Variants in CREB5 observed in about 807,000 individuals in gnomAD.
CREB5 encodes cyclic AMP-responsive element-binding protein 5.
A neutral mutation model predicts 57.1 loss-of-function variants in CREB5; 19 were observed. The ratio of observed to expected loss-of-function variants is 0.33; its 90% CI spans 0.23 to 0.49. CREB5 has a LOEUF of 0.49. Among genes scored for constraint, CREB5 ranks in the 20% least tolerant of loss-of-function variants. The pLI is 0.99. For synonymous variants in CREB5, 238 were observed against 238.3 expected (o/e 1.00, Z 0.01); for missense variants, 579 against 671.6 (o/e 0.86, Z 1.52).
chr7:28,650,479 T>C (rs927701014), intron 5 of CREB5, among the ~76,000 whole-genome samples: 2 of 152,158 alleles, frequency 1.3e-5, no homozygotes, highest in African/African-American at 4.8e-5. Flanking sequence ...TGATTACTTC[T>C]GCCAGGACAC....
intron 5 of CREB5, among the ~76,000 whole-genome samples, chr7:28,627,047 C>T (rs1798021568): frequency 6.6e-6 from 1 of 152,204 alleles, no homozygotes; most frequent in South Asian, 2.1e-4. Flanking sequence ...TTCTAATTTC[C>T]TAAAATTTCT....
rs117664243 is a variant in CREB5, at chr7:28,624,944, C to G, written c.464+54407C>G. ...ACTCTGGGCCAGTTATATAATATCT[C>G]TGAGCCTCAGTTTCCCATCAGCAAA... is the stretch of plus-strand genomic sequence containing the variant. On this transcript the variant is annotated intron_variant, in intron 5 of 10. Coordinates refer to ENST00000357727, the MANE Select transcript of CREB5 (RefSeq NM_182898.4). Among the ~76,000 whole-genome samples, 180 of 151,602 alleles carry G rather than the reference C, an allele frequency of 1.2e-3. 2 individuals are homozygous for G. The highest frequency in any genetic ancestry group is 4.3e-3 in the East Asian group (22 of 5,160).
intron 7 of CREB5, among the ~76,000 whole-genome samples, chr7:28,754,851 T>A (rs914575900): frequency 6.6e-6 from 1 of 152,170 alleles, no homozygotes; most frequent in Admixed American, 6.5e-5. Flanking sequence ...TTCCAAGATA[T>A]GGGTACTACG....
intron 7 of CREB5, among the ~76,000 whole-genome samples, chr7:28,763,233 T>G (rs1260050081): frequency 6.6e-6 from 1 of 152,212 alleles, no homozygotes; most frequent in Non-Finnish European, 1.5e-5. Context: ...GAAAAGCACT[T>G]AGATGTGCCT....
At chr7:28,643,067 C>T (rs1261861451) in intron 5 of CREB5, among the ~76,000 whole-genome samples, 2 of 147,066 alleles carry the variant, frequency 1.4e-5, no homozygotes, top group Admixed American at 1.4e-4. Context: ...TTCTAAAGAC[C>T]CTTTGAGAAA....
At chr7:28,525,161 CT>C (rs1793395592) in intron 4 of CREB5, among the ~76,000 whole-genome samples, 1 of 152,102 alleles carries the variant, frequency 6.6e-6, no homozygotes, top group African/African-American at 2.4e-5. Context: ...GACAGGATTT[CT>C]TTTTTAGGGC....
At chr7:28,817,783 A>G (rs934914179) in intron 9 of CREB5, among the ~76,000 whole-genome samples, 17 of 152,174 alleles carry the variant, frequency 1.1e-4, no homozygotes, top group African/African-American at 4.1e-4. Flanking sequence ...AGTGTGGAGT[A>G]AGGATTCTCA....
chr7:28,678,416 A>G (rs1258214871), intron 5 of CREB5, among the ~76,000 whole-genome samples: 2 of 152,118 alleles, frequency 1.3e-5, no homozygotes, highest in Non-Finnish European at 1.5e-5. Flanking sequence ...ATAAAAATAA[A>G]AGGAAAATAC....
chr7:28,300,076 T>G (rs1785074567), intron 1 of CREB5, among the ~76,000 whole-genome samples: 1 of 151,060 alleles, frequency 6.6e-6, no homozygotes, highest in African/African-American at 2.4e-5. Context: ...ATTTATTTAT[T>G]TATTTATTTA....
intron 7 of CREB5, among the ~76,000 whole-genome samples, chr7:28,787,312 C>T (rs1201917487): frequency 6.6e-6 from 1 of 152,208 alleles, no homozygotes; most frequent in Non-Finnish European, 1.5e-5. Context: ...CATACTTCCT[C>T]CTTGTTTCTT....
At chr7:28,398,865 C>T (rs1425759827) in intron 1 of CREB5, among the ~76,000 whole-genome samples, 1 of 152,046 alleles carries the variant, frequency 6.6e-6, no homozygotes, top group Admixed American at 6.6e-5. Flanking sequence ...GCATGCACTA[C>T]CACACCTGGC....
intron 5 of CREB5, among the ~76,000 whole-genome samples, chr7:28,645,504 C>T (rs1044365628): frequency 6.6e-6 from 1 of 152,166 alleles, no homozygotes; most frequent in Admixed American, 6.5e-5. Flanking sequence ...ACACAGGACT[C>T]TTGTAAATGC....
intron 7 of CREB5, among the ~76,000 whole-genome samples, chr7:28,764,526 A>G (rs967198409): frequency 3.3e-5 from 5 of 152,192 alleles, no homozygotes; most frequent in African/African-American, 1.2e-4. Flanking sequence ...GCTTGGTGCA[A>G]ATATTCGTGT....
At chr7:28,485,445 T>A (rs1240314101) in intron 1 of CREB5, among the ~76,000 whole-genome samples, 1 of 151,922 alleles carries the variant, frequency 6.6e-6, no homozygotes, top group Non-Finnish European at 1.5e-5. Context: ...TACTTTATAT[T>A]TTATAATTTT....
chr7:28,495,647 A>G (rs1003271312), intron 3 of CREB5, among the ~76,000 whole-genome samples: 1 of 152,200 alleles, frequency 6.6e-6, no homozygotes, highest in African/African-American at 2.4e-5. Flanking sequence ...GCAAAGATTT[A>G]TATTCTTCCT....
intron 7 of CREB5, among the ~76,000 whole-genome samples, chr7:28,796,880 C>T (rs13308669): frequency 2.6e-5 from 4 of 152,266 alleles, no homozygotes; most frequent in East Asian, 1.9e-4. Context: ...AGCTCTGGCT[C>T]TCAGGATAGA....
chr7:28,410,261 C>T (rs1054605585), upstream of CREB5: 14 of 455,464 alleles, frequency 3.1e-5, no homozygotes, highest in African/African-American at 1.4e-4. Flanking sequence ...TCCACTCCTC[C>T]GGCCGCCTCC....
intron 7 of CREB5, among the ~76,000 whole-genome samples, chr7:28,760,668 T>G (rs1017940872): frequency 1.2e-4 from 18 of 152,176 alleles, no homozygotes; most frequent in African/African-American, 3.6e-4. Flanking sequence ...CTTATGAATA[T>G]GTGCCCACTC....
intron 5 of CREB5, among the ~76,000 whole-genome samples, chr7:28,582,261 G>C (rs1796148233): frequency 6.6e-6 from 1 of 152,060 alleles, no homozygotes; most frequent in African/African-American, 2.4e-5. Context: ...TTTTTCATTT[G>C]TTCTTGGAAT....
Sources: gnomAD v4.1 joint callset for allele counts (sites outside exome capture counted in the v4.1 genomes callset) on GRCh38, gnomAD v4.1.1 for gene constraint, MANE v1.5 for transcripts, NCBI Gene and HGNC (gene_info 2026-07-23, HGNC 2026-07-21) for gene names.